Variants in ATG5 observed in about 807,000 individuals in gnomAD.
The protein encoded by ATG5 is autophagy protein 5.
In ATG5, 14 loss-of-function variants were observed where a neutral mutation model predicts 36.5. The observed-to-expected ratio is 0.38, with a 90% CI of 0.25 to 0.60. ATG5 has a LOEUF of 0.60. Among genes scored for constraint, ATG5 ranks in the 20% least tolerant of loss-of-function variants. ATG5 has a pLI of 0.60. For synonymous variants in ATG5, 95 were observed against 101.5 expected (o/e 0.94, Z 0.38); for missense variants, 195 against 326.7 (o/e 0.60, Z 3.11).
Position 106,213,015 on chromosome 6 carries a change from C to T in ATG5, c.574-10926G>A, listed in dbSNP as rs575314214. On this transcript the variant is annotated intron_variant, in intron 6 of 7. Coordinates refer to ENST00000369076, the MANE Select transcript of ATG5 (RefSeq NM_004849.4). ...ATGTTTTAAAAAAGCTTTGGTTTTA[C>T]CTATGTTTAACAAAAGCATAGGTAC... Among the ~76,000 whole-genome samples, 6 of 152,200 alleles carry T rather than the reference C, an allele frequency of 3.9e-5. 1 individual carries two copies. The East Asian group carries it at 1.2e-3, about 29-fold the overall frequency.
intron 6 of ATG5, among the ~76,000 whole-genome samples, chr6:106,231,281 T>C (rs1002578935): frequency 6.6e-6 from 1 of 152,232 alleles, no homozygotes; most frequent in Non-Finnish European, 1.5e-5. Context: ...TGGAGAGATA[T>C]AATGTTACTG....
rs150120386 is a variant in ATG5 at position 106,245,814 on chromosome 6, A to C, written c.573+2336T>G. ...GTATTTTAAAGAAATGAAAGGTGTT[A>C]ATCAAAATGCTGCACAAATAAATGC... On this transcript the variant is annotated intron_variant, in intron 6 of 7. Transcript: ENST00000369076. 1.8e-3 allele frequency among the ~76,000 whole-genome samples: 273 copies of C among 152,294 alleles called. 5 individuals are homozygous for C. The East Asian group carries it at 0.04, about 22-fold the overall frequency.
chr6:106,250,492 T>A (rs1193993536), intron 5 of ATG5, among the ~76,000 whole-genome samples: 1 of 152,156 alleles, frequency 6.6e-6, no homozygotes, highest in Non-Finnish European at 1.5e-5. Context: ...CGATTCAAAG[T>A]CCCCAATTGC....
chr6:106,311,262 G>C (rs1362962980), intron 2 of ATG5, among the ~76,000 whole-genome samples: 1 of 152,122 alleles, frequency 6.6e-6, no homozygotes, highest in Admixed American at 6.5e-5. Context: ...ATACAGGTTA[G>C]ACAGCAAAAA....
intron 6 of ATG5, among the ~76,000 whole-genome samples, chr6:106,208,053 C>G (rs1197365312): frequency 6.6e-6 from 1 of 152,164 alleles, no homozygotes; most frequent in East Asian, 1.9e-4. Flanking sequence ...AATCGCGCCA[C>G]TGCACTCTAG....
chr6:106,276,647 CCT>C (rs1169547158), intron 5 of ATG5, among the ~76,000 whole-genome samples: 4 of 152,096 alleles, frequency 2.6e-5, no homozygotes, highest in South Asian at 2.1e-4. Context: ...CTGCTGAACC[CCT>C]GAGTTCTTTT....
intron 6 of ATG5, among the ~76,000 whole-genome samples, chr6:106,226,832 G>T (rs769616432): frequency 1.3e-5 from 2 of 152,032 alleles, no homozygotes; most frequent in Non-Finnish European, 2.9e-5. Context: ...CACAAAAACT[G>T]AATTAACTTG....
chr6:106,203,476 G>T (rs1038832807), intron 6 of ATG5, among the ~76,000 whole-genome samples: 4 of 152,164 alleles, frequency 2.6e-5, no homozygotes, highest in African/African-American at 7.2e-5. Context: ...ATGTTAAAGA[G>T]AATAAAAGCA....
chr6:106,292,925 A>T, intron 4 of ATG5, 103 bp downstream of exon 4: 1 of 883,146 alleles, frequency 1.1e-6, no homozygotes, highest in Non-Finnish European at 1.8e-6. Flanking sequence ...AAACAGTGTC[A>T]GGGGAAAAGC....
intron 6 of ATG5, among the ~76,000 whole-genome samples, chr6:106,206,957 C>A (rs1182349124): frequency 6.6e-6 from 1 of 152,146 alleles, no homozygotes; most frequent in Non-Finnish European, 1.5e-5. Context: ...CTAACAATAT[C>A]CAATGCAATC....
intron 3 of ATG5, among the ~76,000 whole-genome samples, chr6:106,302,593 A>T (rs988567245): frequency 3.3e-5 from 5 of 152,128 alleles, no homozygotes; most frequent in African/African-American, 1.2e-4. Context: ...TTTAAGGCAT[A>T]CTTAGAAGCC....
chr6:106,302,959 G>A (rs962302939), intron 3 of ATG5, among the ~76,000 whole-genome samples: 3 of 151,848 alleles, frequency 2.0e-5, no homozygotes, highest in African/African-American at 7.3e-5. Flanking sequence ...ACACTACCAT[G>A]GTTAAGATGG....
At chr6:106,219,974 A>AT (rs1486029541) in intron 6 of ATG5, among the ~76,000 whole-genome samples, 1 of 152,170 alleles carries the variant, frequency 6.6e-6, no homozygotes, top group African/African-American at 2.4e-5. Flanking sequence ...TCCAAGCAAT[A>AT]TAACAGTGGT....
intron 1 of ATG5, among the ~76,000 whole-genome samples, chr6:106,324,765 T>G (rs950818795): frequency 6.6e-6 from 1 of 152,250 alleles, no homozygotes; most frequent in Non-Finnish European, 1.5e-5. Context: ...ATTACTACCC[T>G]GAGCACAACA....
At chr6:106,260,049 A>G (rs1027150419) in intron 5 of ATG5, among the ~76,000 whole-genome samples, 1 of 152,150 alleles carries the variant, frequency 6.6e-6, no homozygotes, top group Non-Finnish European at 1.5e-5. Flanking sequence ...ATAGGGGGGA[A>G]CTGAAAAATC....
intron 2 of ATG5, among the ~76,000 whole-genome samples, chr6:106,315,237 G>A (rs1275890279): frequency 6.6e-6 from 1 of 152,202 alleles, no homozygotes; most frequent in Non-Finnish European, 1.5e-5. Context: ...TCATTAAAGT[G>A]AAACAGAAGA....
At position 106,279,703 on chromosome 6, in the gene ATG5, G is replaced by T; in HGVS notation, c.436C>A (p.Gln146Lys). The T allele has an allele frequency of 6.2e-7, 1 of 1,602,800 alleles. No individual in the cohort carries two copies. The highest frequency in any genetic ancestry group is 8.5e-7 in the Non-Finnish European group (1 of 1,175,180). The change falls in exon 5 of 8, where the codon CAG becomes AAG. Residue 146 changes from glutamine (Q) to lysine (K), a missense_variant. By Grantham distance (53) the Gln-to-Lys change is moderately conservative. Transcript: ENST00000369076. ...KHKSQVINEMQKKDHKQLWMG... is the reference protein window; with the variant it reads ...KHKSQVINEMKKKDHKQLWMG... ...CAGAGTTGCTTGTGATCTTTTTTCT[G>T]CATTTCATTGATTACTTGACTTTTA...
At chr6:106,227,692 A>G (rs1777500334) in intron 6 of ATG5, among the ~76,000 whole-genome samples, 1 of 152,232 alleles carries the variant, frequency 6.6e-6, no homozygotes, top group Non-Finnish European at 1.5e-5. Flanking sequence ...GATCAATACC[A>G]TAGAAAATAA....
Position 106,193,007 on chromosome 6 carries a change from C to T in ATG5, c.692-6331G>A, listed in dbSNP as rs553782380. 2.0e-5 allele frequency among the ~76,000 whole-genome samples: 3 copies of T among 152,242 alleles called. No individual in the cohort carries two copies. In the South Asian group the frequency reaches 6.2e-4, roughly 32 times the overall value. ...CGAGGTCAGGTCAAAGAGGGTTAAA[C>T]CAAGCCAGGATATAGCCAAAGAAAT... On this transcript the variant is annotated intron_variant, in intron 7 of 7. Transcript: ENST00000369076.
Sources: allele counts gnomAD v4.1 joint callset (sites outside exome capture counted in the v4.1 genomes callset), GRCh38; gene constraint gnomAD v4.1.1; transcripts MANE v1.5; gene names NCBI Gene and HGNC (gene_info 2026-07-23, HGNC 2026-07-21).